The following ZC2HC1A variants were observed in gnomAD, a reference collection of about 807,000 sequenced individuals.
The protein encoded by ZC2HC1A is zinc finger C2HC domain-containing protein 1A.
A neutral mutation model predicts 40.7 loss-of-function variants in ZC2HC1A; 28 were observed. The observed-to-expected ratio is 0.69, with a 90% CI of 0.51 to 0.94. The LOEUF is 0.94. Among genes scored for constraint, ZC2HC1A ranks in the 40% least tolerant of loss-of-function variants. The probability of loss-of-function intolerance (pLI) is 0.00; values close to 1 mark genes in which losing one functional copy is unlikely to be tolerated. For missense variants in ZC2HC1A, 389 were observed against 386.3 expected (o/e 1.01, Z -0.06); for synonymous variants, 129 against 129.2 (o/e 1.00, Z 0.01).
intron 5 of ZC2HC1A, among the ~76,000 whole-genome samples, chr8:78,695,453 A>C (rs1171316632): frequency 6.6e-6 from 1 of 152,200 alleles, no homozygotes; most frequent in Admixed American, 6.5e-5. Flanking sequence ...GTAATAGGCC[A>C]CATCAGCGCA....
rs373403018 is a variant in ZC2HC1A, at chr8:78,698,529, A to T, written c.704+16A>T. The T allele has an allele frequency of 1.3e-6, 2 of 1,537,970 alleles. No homozygotes were observed. Among genetic ancestry groups the T allele is most frequent in the African/African-American group, 2.8e-5 (2 of 72,550 alleles). On this transcript the variant is annotated intron_variant, in intron 7 of 8. Coordinates refer to ENST00000263849, the MANE Select transcript of ZC2HC1A (RefSeq NM_016010.3). ...CTCATGCAGGGTAAGTCTACACTGG[A>T]TATAATTATTAGTGGTATATAATTA...
intron 1 of ZC2HC1A, among the ~76,000 whole-genome samples, chr8:78,672,103 G>A (rs1809450477): frequency 6.6e-6 from 1 of 152,086 alleles, no homozygotes; most frequent in Non-Finnish European, 1.5e-5. Context: ...ACAAATTCCA[G>A]TGCTTTTTCA....
intron 5 of ZC2HC1A, among the ~76,000 whole-genome samples, chr8:78,693,685 C>G (rs1810297845): frequency 6.6e-6 from 1 of 152,096 alleles, no homozygotes. Context: ...TGTAGGTTGC[C>G]TGTTCGCTCT....
rs1040579680 is a variant in ZC2HC1A, at chr8:78,699,875, G to A, written c.704+1362G>A. On this transcript the variant is annotated intron_variant, in intron 7 of 8. Transcript: ENST00000263849. The stretch of plus-strand genomic sequence containing the variant: ...TTCTTTATCCAGTATATCATTGATG[G>A]ACATTTAGGTTGATTCCATGTCTTC... 5.3e-5 allele frequency among the ~76,000 whole-genome samples: 8 copies of A among 152,078 alleles called. No individual in the cohort carries two copies. In the East Asian group the frequency reaches 1.5e-3, roughly 29 times the overall value.
At chr8:78,670,273 A>T (rs1809407305) in intron 1 of ZC2HC1A, among the ~76,000 whole-genome samples, 1 of 151,966 alleles carries the variant, frequency 6.6e-6, no homozygotes, top group African/African-American at 2.4e-5. Context: ...GGCGGAATGG[A>T]TGTATTTCAA....
intron 1 of ZC2HC1A, 193 bp from the exon 2 acceptor site, chr8:78,675,594 C>G: frequency 1.9e-6 from 1 of 514,696 alleles, no homozygotes; most frequent in South Asian, 2.9e-5. Flanking sequence ...CCATATTTAT[C>G]CTGACCTTTT....
rs139871923 is a variant in ZC2HC1A at position 78,678,516 on chromosome 8, C to T, written c.94-47C>T. On this transcript the variant is annotated intron_variant, in intron 2 of 8. Coordinates refer to ENST00000263849, the MANE Select transcript of ZC2HC1A (RefSeq NM_016010.3). ...TGTAAATAAAGTTCTGTAGTCTTAC[C>T]TTCTGTAGAAAAGAAAATGATAGGC... The T allele has an allele frequency of 8.1e-4, 1,192 of 1,478,444 alleles. 9 individuals are homozygous for T. In the African/African-American group the frequency reaches 0.015, roughly 19 times the overall value. 91.6% of individuals were successfully genotyped at this position (1,478,444 alleles called of 1,614,324 possible). A position where few individuals can be genotyped will look rare whatever the true frequency, so the allele number is the denominator to read the frequency against.
chr8:78,692,755 T>C (rs1810251075), intron 5 of ZC2HC1A, among the ~76,000 whole-genome samples: 2 of 152,084 alleles, frequency 1.3e-5, no homozygotes, highest in Non-Finnish European at 2.9e-5. Context: ...TAGTATACTT[T>C]AGTTTTAGGG....
At chr8:78,680,073 G>C (rs879376839) in intron 3 of ZC2HC1A, among the ~76,000 whole-genome samples, 2 of 151,972 alleles carry the variant, frequency 1.3e-5, no homozygotes, top group Non-Finnish European at 2.9e-5. Context: ...ATGTAATTAT[G>C]CTTCTGTTCA....
At chr8:78,700,858 TC>T (rs1810579516) in intron 7 of ZC2HC1A, among the ~76,000 whole-genome samples, 1 of 152,210 alleles carries the variant, frequency 6.6e-6, no homozygotes, top group African/African-American at 2.4e-5. Context: ...GTTCCACTGG[TC>T]CATGTTCCAG....
intron 7 of ZC2HC1A, among the ~76,000 whole-genome samples, chr8:78,712,758 G>A (rs1810989270): frequency 1.3e-5 from 2 of 152,030 alleles, no homozygotes; most frequent in Admixed American, 6.5e-5. Context: ...ACTAATTTGG[G>A]TCTCAATTCT....
chr8:78,698,576 T>G, intron 7 of ZC2HC1A, 63 bp downstream of exon 7: 1 of 1,235,590 alleles, frequency 8.1e-7, no homozygotes, highest in Non-Finnish European at 1.1e-6. Context: ...GGTTTTGTTA[T>G]GTTTTGATAA....
chr8:78,689,207 T>A lies in ZC2HC1A; in HGVS notation c.353-15T>A, dbSNP rs1810126329. On this transcript the variant is annotated splice_polypyrimidine_tract_variant and intron_variant, in intron 4 of 8. Coordinates refer to ENST00000263849, the MANE Select transcript of ZC2HC1A (RefSeq NM_016010.3). Reference sequence around the variant, plus strand: ...TACTATGCTATTAATCTGTTTCCGTTTTTATCTGTTATAGATTATATTCAA... The same window carrying A: ...TACTATGCTATTAATCTGTTTCCGTATTTATCTGTTATAGATTATATTCAA... The A allele has an allele frequency of 1.4e-6, 2 of 1,463,394 alleles. No individual in the cohort carries two copies. Among genetic ancestry groups the A allele is most frequent in the Non-Finnish European group, 9.1e-7 (1 of 1,104,558 alleles). The allele number at this position is 1,463,394 out of a possible 1,614,324, so 90.7% of individuals were successfully genotyped here.
At chr8:78,707,217 T>C (rs953635716) in intron 7 of ZC2HC1A, among the ~76,000 whole-genome samples, 20 of 152,212 alleles carry the variant, frequency 1.3e-4, no homozygotes, top group Non-Finnish European at 5.9e-5. Context: ...TTACAGTTGA[T>C]CATAGATTAA....
At chr8:78,715,151 T>A in intron 7 of ZC2HC1A, 70 bp from the exon 8 acceptor site, 1 of 1,341,662 alleles carries the variant, frequency 7.5e-7, no homozygotes. Flanking sequence ...TCTAGTCATG[T>A]GAATAGGTAA....
chr8:78,678,098 C>T (rs1809641511), intron 2 of ZC2HC1A, among the ~76,000 whole-genome samples: 1 of 152,118 alleles, frequency 6.6e-6, no homozygotes, highest in African/African-American at 2.4e-5. Flanking sequence ...CCTGGCTTCT[C>T]TAGTGCAACC....
At chr8:78,711,530 T>C (rs1488275031) in intron 7 of ZC2HC1A, among the ~76,000 whole-genome samples, 2 of 152,174 alleles carry the variant, frequency 1.3e-5, no homozygotes, top group Non-Finnish European at 2.9e-5. Context: ...GAAAGTCAAA[T>C]GGAGTACATG....
chr8:78,683,371 G>A (rs1255168836), intron 3 of ZC2HC1A, among the ~76,000 whole-genome samples: 1 of 152,190 alleles, frequency 6.6e-6, no homozygotes, highest in Non-Finnish European at 1.5e-5. Flanking sequence ...CTAGTCAGAG[G>A]CTCCCAAACC....
At chr8:78,681,141 C>A (rs947118188) in intron 3 of ZC2HC1A, among the ~76,000 whole-genome samples, 1 of 151,970 alleles carries the variant, frequency 6.6e-6, no homozygotes, top group Non-Finnish European at 1.5e-5. Context: ...ACAGAGACGC[C>A]TTATTTGCAG....
Sources: allele counts gnomAD v4.1 joint callset (sites outside exome capture counted in the v4.1 genomes callset), GRCh38; gene constraint gnomAD v4.1.1; transcripts MANE v1.5; gene names NCBI Gene and HGNC (gene_info 2026-07-23, HGNC 2026-07-21).